HEATR4: variants seen among roughly 807,000 people sequenced by gnomAD.
HEATR4 encodes the protein HEAT repeat containing 4.
In HEATR4, 95 loss-of-function variants were observed where a neutral mutation model predicts 108.8. The observed-to-expected ratio is 0.87, with a 90% CI of 0.74 to 1.04. The LOEUF is 1.04. HEATR4 is among the 50% of genes least tolerant of loss of function. The probability of loss-of-function intolerance (pLI) is 0.00; values close to 1 mark genes in which losing one functional copy is unlikely to be tolerated. For missense variants in HEATR4, 1,152 were observed against 1,253.8 expected, an observed-to-expected ratio of 0.92 and a Z score of 1.23; for synonymous variants, 443 against 459.4, an observed-to-expected ratio of 0.96 and a Z score of 0.46.
At chr14:73,606,697 G>A in the HEATR4 span, among the ~76,000 whole-genome samples, 2 of 152,090 alleles carry the variant, frequency 1.3e-5, no homozygotes, top group Non-Finnish European at 2.9e-5. Flanking sequence ...TTCATGGAGG[G>A]GAAGAGAATC....
Position 73,512,116 on chromosome 14 carries a change from A to G in HEATR4, c.1448T>C (p.Leu483Pro), listed in dbSNP as rs775690167. 4 of 1,614,208 alleles carry G rather than the reference A, an allele frequency of 2.5e-6. No individual in the cohort carries two copies. Among genetic ancestry groups the G allele is most frequent in the Non-Finnish European group, 3.4e-6 (4 of 1,180,040 alleles). ...ATGCAGGTCTCCCAAGCTCTGAAGC[A>G]GGTTCTCTACTGTCTCATGGTGCCA... is the stretch of plus-strand genomic sequence containing the variant. ...IEWHHETVEN[L>P]LQSLGDLHDD... Residue 483 changes from leucine (L) to proline (P), a missense_variant, in exon 7 of 18, where the codon CTG becomes CCG. Coordinates refer to ENST00000553558, the MANE Select transcript of HEATR4 (RefSeq NM_001220484.1).
At chr14:73,612,819 C>T in the HEATR4 span, 1 of 1,420,898 alleles carries the variant, frequency 7.0e-7, no homozygotes. Flanking sequence ...CTGCTGTGGG[C>T]GTTGGAGCCC....
chr14:73,488,599 G>C lies in HEATR4; in HGVS notation c.2844+4467C>G, dbSNP rs537858955. On this transcript the variant is annotated intron_variant, in intron 17 of 17. Coordinates refer to ENST00000553558, the MANE Select transcript of HEATR4 (RefSeq NM_001220484.1). ...CCACCATGATTTTAAGTTTCTTTAG[G>C]CCTCCCCAACCATGCTTCCTCTACA... is the stretch of plus-strand genomic sequence containing the variant. Among the ~76,000 whole-genome samples, 3 of 151,682 alleles carry C rather than the reference G, an allele frequency of 2.0e-5. No individual in the cohort carries two copies. The South Asian group carries it at 6.3e-4, about 32-fold the overall frequency.
chr14:73,484,411 C>T (rs1885367694), intron 17 of HEATR4, among the ~76,000 whole-genome samples: 1 of 152,006 alleles, frequency 6.6e-6, no homozygotes, highest in Non-Finnish European at 1.5e-5. Context: ...GGGAGTCTTG[C>T]CCTGTTGCCC....
chr14:73,491,425 C>T lies in HEATR4; in HGVS notation c.2844+1641G>A, dbSNP rs773995821. ...CGCCCGCGCGCCTGGTGGAGGTGCC[C>T]GCCGCGCCGGTCCGGGTGGTGGAGA... On this transcript the variant is annotated intron_variant, in intron 17 of 17. Coordinates refer to ENST00000553558, the MANE Select transcript of HEATR4 (RefSeq NM_001220484.1). The T allele has an allele frequency of 4.0e-4, 540 of 1,354,712 alleles. 5 individuals carry two copies. Among genetic ancestry groups the T allele is most frequent in the Admixed American group, 3.7e-4 (9 of 24,506 alleles). 83.9% of individuals were successfully genotyped at this position (1,354,712 alleles called of 1,614,324 possible).
At chr14:73,592,922 CAGTT>C in the HEATR4 span, among the ~76,000 whole-genome samples, 2 of 152,226 alleles carry the variant, frequency 1.3e-5, no homozygotes, top group African/African-American at 4.8e-5. Flanking sequence ...TGCATTCTAT[CAGTT>C]AGTCTCTATA....
chr14:73,574,012 C>A, the HEATR4 span, among the ~76,000 whole-genome samples: 1 of 150,168 alleles, frequency 6.7e-6, no homozygotes, highest in Non-Finnish European at 1.5e-5. Context: ...AGGCATGAGC[C>A]ACTATGCCCA....
intron 2 of HEATR4, among the ~76,000 whole-genome samples, chr14:73,528,766 T>C (rs1212892451): frequency 6.6e-6 from 1 of 152,166 alleles, no homozygotes. Flanking sequence ...GGAATTGTTA[T>C]TATTAGTTTA....
the HEATR4 span, among the ~76,000 whole-genome samples, chr14:73,622,009 C>G: frequency 2.0e-5 from 3 of 151,880 alleles, no homozygotes; most frequent in African/African-American, 7.3e-5. Flanking sequence ...GCGAACTGCC[C>G]CCCTAGGCCT....
intron 12 of HEATR4, among the ~76,000 whole-genome samples, chr14:73,499,841 G>A (rs1351842513): frequency 2.0e-5 from 3 of 152,198 alleles, no homozygotes; most frequent in Non-Finnish European, 4.4e-5. Context: ...TAGAATCGAA[G>A]TCTGGGCTGG....
rs1892449564 is a variant in HEATR4 at position 73,532,700 on chromosome 14, A to G, written c.-151-2456T>C. On this transcript the variant is annotated intron_variant, in intron 1 of 17. Transcript: ENST00000553558. The stretch of plus-strand genomic sequence containing the variant: ...CCGGGTGCAGTGGCTCACGCTCATA[A>G]TCCTAGCACTTTGGGAGGCCAAGGT... 1.7e-5 allele frequency among the ~76,000 whole-genome samples: 2 copies of G among 115,528 alleles called. 1 individual carries two copies. Among genetic ancestry groups the G allele is most frequent in the African/African-American group, 5.6e-5 (2 of 35,490 alleles). The allele number at this position is 115,528 out of a possible 152,430, so 75.8% of individuals were successfully genotyped here. A position where few individuals can be genotyped will look rare whatever the true frequency, so the allele number is the denominator to read the frequency against.
the HEATR4 span, chr14:73,616,774 C>G: frequency 2.3e-6 from 1 of 438,080 alleles, no homozygotes; most frequent in African/African-American, 2.0e-5. Context: ...CAGTGATGAA[C>G]GCTGAGATTT....
At chr14:73,595,535 A>C in the HEATR4 span, 63 of 1,610,884 alleles carry the variant, frequency 3.9e-5, no homozygotes, top group Non-Finnish European at 5.3e-5. Flanking sequence ...CAAACATGTT[A>C]TATGGGGTGG....
At chr14:73,619,278 T>A in the HEATR4 span, 1 of 1,606,222 alleles carries the variant, frequency 6.2e-7, no homozygotes. Context: ...CCAAAGGAGG[T>A]GACCTGTGTC....
At chr14:73,524,310 A>AAAAAAAAATATAT in intron 2 of HEATR4, among the ~76,000 whole-genome samples, 7 of 54,788 alleles carry the variant, frequency 1.3e-4, no homozygotes, top group African/African-American at 3.5e-4. Flanking sequence ...AAAAAAAAAA[A>AAAAAAAAATATAT]ATATATATAT....
At chr14:73,531,633 T>A (rs1403620069) in intron 1 of HEATR4, among the ~76,000 whole-genome samples, 2 of 109,664 alleles carry the variant, frequency 1.8e-5, no homozygotes, top group African/African-American at 5.9e-5. Flanking sequence ...GTTCTCGAAC[T>A]CCTGACCTCA....
At chr14:73,592,184 C>G in the HEATR4 span, 4 of 1,607,858 alleles carry the variant, frequency 2.5e-6, no homozygotes, top group Non-Finnish European at 3.4e-6. Context: ...TCGCGGGACT[C>G]GAGCCCATGG....
chr14:73,490,508 A>C (rs1361728787), intron 17 of HEATR4, among the ~76,000 whole-genome samples: 1 of 152,112 alleles, frequency 6.6e-6, no homozygotes, highest in Admixed American at 6.6e-5. Context: ...TTTTTAGTAG[A>C]GACGGGGTTT....
In HEATR4 at chr14:73,520,923, C is replaced by A. The variant is rs551858976; in HGVS notation, c.998G>T (p.Arg333Leu). Residue 333 changes from arginine (R) to leucine (L), a missense_variant, in exon 4 of 18, where the codon CGC becomes CTC. Coordinates refer to ENST00000553558, the MANE Select transcript of HEATR4 (RefSeq NM_001220484.1). ...LSQPQTQSYF[R>L]QVTPRAGKFA... ...CTTTCCAGCTCGGGGAGTCACCTGG[C>A]GAAAGTAGCTCTGGGTTTGGGGCTG... 1 of 1,613,930 alleles carries A rather than the reference C, an allele frequency of 6.2e-7. No individual in the cohort carries two copies. The highest frequency in any genetic ancestry group is 8.5e-7 in the Non-Finnish European group (1 of 1,179,996).
Sources: gnomAD v4.1 joint callset for allele counts (sites outside exome capture counted in the v4.1 genomes callset) on GRCh38, gnomAD v4.1.1 for gene constraint, MANE v1.5 for transcripts, NCBI Gene and HGNC (gene_info 2026-07-23, HGNC 2026-07-21) for gene names.